EXOC4: variants seen among roughly 807,000 people sequenced by gnomAD.
The protein encoded by EXOC4 is SEC8-like 1.
EXOC4 carries 71 observed loss-of-function variants against 107.2 expected under a neutral mutation model. The observed-to-expected ratio is 0.66, with a 90% CI of 0.55 to 0.81. EXOC4 has a LOEUF of 0.81. Ranked by LOEUF, EXOC4 falls within the 30% of genes least tolerant of loss-of-function variation. The pLI, the probability that EXOC4 is intolerant of heterozygous loss-of-function variation, is 0.00. For synonymous variants in EXOC4, 456 were observed against 441.2 expected (o/e 1.03, Z -0.42); for missense variants, 1,108 against 1,189.6 (o/e 0.93, Z 1.01).
the EXOC4 span, among the ~76,000 whole-genome samples, chr7:134,097,728 T>G: frequency 6.6e-6 from 1 of 152,218 alleles, no homozygotes; most frequent in African/African-American, 2.4e-5. Context: ...AAATCCCATT[T>G]ATCCATAAGA....
chr7:133,651,985 T>G (rs760639420), intron 10 of EXOC4, among the ~76,000 whole-genome samples: 5 of 152,288 alleles, frequency 3.3e-5, no homozygotes, highest in Admixed American at 2.6e-4. Context: ...CTGCCGTAAC[T>G]CAAACTCTAG....
chr7:133,272,147 C>T lies in EXOC4; in HGVS notation c.87-2835C>T, dbSNP rs1310386285. ...GATCTCATTTAATTCTCACTAACAA[C>T]CCTATGTGGAAGGTATCTTAGTATT... On this transcript the variant is annotated intron_variant, in intron 1 of 17. Transcript: ENST00000253861. Among the ~76,000 whole-genome samples, 3 of 151,880 alleles carry T rather than the reference C, an allele frequency of 2.0e-5. No homozygotes were observed. The East Asian group carries it at 5.8e-4, about 29-fold the overall frequency.
At chr7:133,760,014 T>C (rs1418719501) in intron 10 of EXOC4, among the ~76,000 whole-genome samples, 12 of 152,182 alleles carry the variant, frequency 7.9e-5, no homozygotes, top group Admixed American at 7.9e-4. Flanking sequence ...TGGCCAATGA[T>C]GAAATGGCGT....
chr7:133,351,241 A>C (rs28792487), intron 5 of EXOC4, among the ~76,000 whole-genome samples: 51,380 of 151,886 alleles, frequency 0.34, 10,585 homozygotes, highest in African/African-American at 0.59. Context: ...AGGAAGTTTT[A>C]TTCCTTTTTC....
chr7:133,393,189 T>G (rs1400941009), intron 7 of EXOC4, among the ~76,000 whole-genome samples: 1 of 152,206 alleles, frequency 6.6e-6, no homozygotes, highest in African/African-American at 2.4e-5. Context: ...ATTGCATTTC[T>G]TGTTTTTACC....
At chr7:133,670,567 T>C (rs1273530440) in intron 10 of EXOC4, among the ~76,000 whole-genome samples, 2 of 151,038 alleles carry the variant, frequency 1.3e-5, no homozygotes, top group African/African-American at 2.4e-5. Flanking sequence ...CTCCAGAAAC[T>C]CTTTCCTAGA....
intron 17 of EXOC4, among the ~76,000 whole-genome samples, chr7:134,056,102 T>A (rs1261384171): frequency 1.3e-5 from 2 of 152,206 alleles, no homozygotes; most frequent in African/African-American, 4.8e-5. Context: ...TTGTGCTAAT[T>A]GGGTTAAATG....
At chr7:134,031,528 T>C (rs1795271181) in intron 17 of EXOC4, among the ~76,000 whole-genome samples, 1 of 152,156 alleles carries the variant, frequency 6.6e-6, no homozygotes, top group South Asian at 2.1e-4. Flanking sequence ...TAAGAGTTGA[T>C]TGTGGAGCTA....
chr7:133,390,884 G>A (rs1403100581), intron 7 of EXOC4, among the ~76,000 whole-genome samples: 1 of 152,152 alleles, frequency 6.6e-6, no homozygotes, highest in Non-Finnish European at 1.5e-5. Flanking sequence ...CAGAAGGATG[G>A]CAAAATAAAT....
chr7:133,844,378 C>CTTTTTTTTTT (rs761535651), intron 11 of EXOC4, among the ~76,000 whole-genome samples: 11 of 83,394 alleles, frequency 1.3e-4, no homozygotes, highest in African/African-American at 2.9e-4. Context: ...CCACATATTC[C>CTTTTTTTTTT]TTTTTTTTTT....
chr7:133,707,509 C>T (rs1794793932), intron 10 of EXOC4, among the ~76,000 whole-genome samples: 2 of 151,624 alleles, frequency 1.3e-5, no homozygotes, highest in Admixed American at 6.6e-5. Flanking sequence ...AATGAAATAC[C>T]AATTAATTAA....
chr7:133,866,714 A>G (rs893960376), intron 11 of EXOC4, among the ~76,000 whole-genome samples: 2 of 151,422 alleles, frequency 1.3e-5, no homozygotes, highest in Admixed American at 6.5e-5. Flanking sequence ...TAAAGCTTTG[A>G]GTTTTGAAAA....
At chr7:133,648,884 C>T (rs1803062276) in intron 10 of EXOC4, among the ~76,000 whole-genome samples, 1 of 152,130 alleles carries the variant, frequency 6.6e-6, no homozygotes, top group Admixed American at 6.6e-5. Context: ...AAGCATTGGA[C>T]ATATTTAATT....
At chr7:133,776,624 C>T (rs1173733648) in intron 10 of EXOC4, among the ~76,000 whole-genome samples, 1 of 152,098 alleles carries the variant, frequency 6.6e-6, no homozygotes, top group Non-Finnish European at 1.5e-5. Context: ...ATGAAAAATT[C>T]AATTCATGTT....
intron 9 of EXOC4, among the ~76,000 whole-genome samples, chr7:133,574,783 G>C (rs966188705): frequency 6.6e-6 from 1 of 152,066 alleles, no homozygotes; most frequent in Non-Finnish European, 1.5e-5. Context: ...AACTTTGTCC[G>C]TTGCACCCAG....
chr7:133,351,970 TAA>T (rs1326701181), intron 5 of EXOC4, among the ~76,000 whole-genome samples: 3 of 152,048 alleles, frequency 2.0e-5, no homozygotes, highest in African/African-American at 7.2e-5. Flanking sequence ...TTAATTGACA[TAA>T]GTTTGTGTAT....
At chr7:133,770,860 C>T (rs1459373856) in intron 10 of EXOC4, among the ~76,000 whole-genome samples, 1 of 151,922 alleles carries the variant, frequency 6.6e-6, no homozygotes, top group Non-Finnish European at 1.5e-5. Context: ...CCTAAGCTCT[C>T]CTGGCATTGT....
At chr7:133,477,821 C>G (rs1432961768) in intron 8 of EXOC4, among the ~76,000 whole-genome samples, 1 of 152,210 alleles carries the variant, frequency 6.6e-6, no homozygotes, top group Non-Finnish European at 1.5e-5. Context: ...AATGACAAAA[C>G]TCTTCAGCAA....
intron 13 of EXOC4, 55 bp from the exon 14 acceptor site, chr7:133,937,836 G>T: frequency 6.4e-7 from 1 of 1,570,166 alleles, no homozygotes. Context: ...AGTGTTGCCC[G>T]GTCCTACCTT....
Sources: allele counts gnomAD v4.1 joint callset (sites outside exome capture counted in the v4.1 genomes callset), GRCh38; gene constraint gnomAD v4.1.1; transcripts MANE v1.5; gene names NCBI Gene and HGNC (gene_info 2026-07-23, HGNC 2026-07-21).